CRLF3: variants seen among roughly 807,000 people sequenced by gnomAD.
CRLF3 encodes the protein cytokine receptor-like factor 3.
A neutral mutation model predicts 55.0 loss-of-function variants in CRLF3; 33 were observed. The observed-to-expected ratio is 0.60, with a 90% CI of 0.46 to 0.80. The LOEUF is 0.80. Among genes scored for constraint, CRLF3 ranks in the 30% least tolerant of loss-of-function variants. The probability of loss-of-function intolerance (pLI) is 0.00; values close to 1 mark genes in which losing one functional copy is unlikely to be tolerated. For synonymous variants in CRLF3, 238 were observed against 196.8 expected, an observed-to-expected ratio of 1.21 and a Z score of -1.75; for missense variants, 494 against 538.4, an observed-to-expected ratio of 0.92 and a Z score of 0.82.
At chr17:30,817,393 G>C (rs1329956781) in intron 1 of CRLF3, among the ~76,000 whole-genome samples, 1 of 151,652 alleles carries the variant, frequency 6.6e-6, no homozygotes, top group Non-Finnish European at 1.5e-5. Context: ...AACCAAGGTG[G>C]TGCCACTGCA....
intron 6 of CRLF3, among the ~76,000 whole-genome samples, chr17:30,788,952 C>T (rs1971719001): frequency 6.6e-6 from 1 of 152,038 alleles, no homozygotes; most frequent in East Asian, 1.9e-4. Flanking sequence ...CTACTAGGCC[C>T]TTAAGTACCC....
chr17:30,784,514 A>G, intron 7 of CRLF3, 71 bp from the exon 8 acceptor site: 1 of 1,288,558 alleles, frequency 7.8e-7, no homozygotes, highest in South Asian at 1.3e-5. Flanking sequence ...TTTCTAGATT[A>G]CTGGTAACAC....
At chr17:30,800,859 C>T (rs372046589) in intron 2 of CRLF3, among the ~76,000 whole-genome samples, 1 of 150,986 alleles carries the variant, frequency 6.6e-6, no homozygotes, top group East Asian at 2.0e-4. Context: ...ACTGCAAGCT[C>T]CGCCTCCTGG....
Position 30,800,566 on chromosome 17 carries a change from AAC to A in CRLF3, c.338-3170_338-3169del, listed in dbSNP as rs765424486. Among the ~76,000 whole-genome samples the A allele has an allele frequency of 2.6e-3, 393 of 152,242 alleles. 1 individual carries two copies. Among genetic ancestry groups the A allele is most frequent in the Non-Finnish European group, 4.8e-3 (325 of 67,996 alleles). On this transcript the variant is annotated intron_variant, in intron 2 of 7. Transcript: ENST00000324238. ...CATATGTAGGTAATCATCTACAGAT[AAC>A]AGTCACTGCTCAGTAAAATCATCAA...
chr17:30,791,071 A>G (rs996583769), intron 6 of CRLF3, among the ~76,000 whole-genome samples: 4 of 151,662 alleles, frequency 2.6e-5, no homozygotes, highest in African/African-American at 4.8e-5. Context: ...GGTGTGTGCC[A>G]CCACACCCTG....
intron 1 of CRLF3, among the ~76,000 whole-genome samples, chr17:30,812,972 T>C (rs1429306850): frequency 6.6e-6 from 1 of 152,114 alleles, no homozygotes; most frequent in Non-Finnish European, 1.5e-5. Flanking sequence ...TATAAATGAA[T>C]GTTCTCTGTC....
In CRLF3 at chr17:30,807,665, T is replaced by C. The variant is rs562594333; in HGVS notation, c.130-3557A>G. ...CTCCTGCCTTAGTCTCCTGAGTAGC[T>C]GAGATTACAGGCGCATGCCACCACG... On this transcript the variant is annotated intron_variant, in intron 1 of 7. Coordinates refer to ENST00000324238, the MANE Select transcript of CRLF3 (RefSeq NM_015986.4). Among the ~76,000 whole-genome samples the C allele has an allele frequency of 4.0e-3, 613 of 151,898 alleles. 4 individuals carry two copies. Among genetic ancestry groups the C allele is most frequent in the South Asian group, 0.026 (124 of 4,808 alleles).
At chr17:30,811,803 C>CAAAAAAAAAA (rs915710879) in intron 1 of CRLF3, among the ~76,000 whole-genome samples, 1 of 27,752 alleles carries the variant, frequency 3.6e-5, no homozygotes, top group Non-Finnish European at 6.2e-5. Context: ...GACTCTGTCT[C>CAAAAAAAAAA]AAAAAAAAAA....
intron 1 of CRLF3, among the ~76,000 whole-genome samples, chr17:30,816,555 T>C (rs1247883414): frequency 1.3e-5 from 2 of 149,750 alleles, no homozygotes; most frequent in East Asian, 3.9e-4. Context: ...AGTGGTGTGA[T>C]CATGGCTTAC....
At chr17:30,821,990 G>A (rs749587838) in intron 1 of CRLF3, among the ~76,000 whole-genome samples, 7 of 150,784 alleles carry the variant, frequency 4.6e-5, no homozygotes, top group Admixed American at 2.0e-4. Flanking sequence ...AGGCAGAGGT[G>A]GGAGGATCTT....
At chr17:30,795,135 G>T (rs1971891261) in intron 4 of CRLF3, among the ~76,000 whole-genome samples, 1 of 152,088 alleles carries the variant, frequency 6.6e-6, no homozygotes, top group African/African-American at 2.4e-5. Flanking sequence ...TGACAGTCCT[G>T]TTAGAAAATA....
intron 7 of CRLF3, 138 bp downstream of exon 7, chr17:30,785,781 T>TAAAAAA (rs55664579): frequency 7.6e-6 from 3 of 394,798 alleles, no homozygotes; most frequent in African/African-American, 2.9e-5. Context: ...GACTTCATAA[T>TAAAAAA]AAAAAAAAAA....
chr17:30,820,981 G>A (rs1904978166), intron 1 of CRLF3, among the ~76,000 whole-genome samples: 1 of 151,834 alleles, frequency 6.6e-6, no homozygotes, highest in Non-Finnish European at 1.5e-5. Context: ...CTTGAGCCTA[G>A]GAAGTCGAGG....
At chr17:30,805,986 G>A (rs967944535) in intron 1 of CRLF3, among the ~76,000 whole-genome samples, 2 of 152,104 alleles carry the variant, frequency 1.3e-5, no homozygotes, top group African/African-American at 4.8e-5. Context: ...CTGCACCACT[G>A]CACTCTAGCT....
intron 1 of CRLF3, among the ~76,000 whole-genome samples, chr17:30,805,933 G>A (rs540522127): frequency 2.0e-5 from 3 of 152,122 alleles, no homozygotes; most frequent in Non-Finnish European, 4.4e-5. Flanking sequence ...TGAGGTGGGA[G>A]GATCACCTGA....
intron 2 of CRLF3, among the ~76,000 whole-genome samples, chr17:30,803,267 CA>C: frequency 6.6e-6 from 1 of 152,218 alleles, no homozygotes; most frequent in Admixed American, 6.6e-5. Context: ...GATTATTACA[CA>C]CCGCATGCCT....
chr17:30,821,040 GCA>G (rs1308363736), intron 1 of CRLF3, among the ~76,000 whole-genome samples: 5 of 149,312 alleles, frequency 3.3e-5, no homozygotes, highest in African/African-American at 9.9e-5. Context: ...GGGTGACAGA[GCA>G]AGACTCTGGC....
intron 7 of CRLF3, 136 bp downstream of exon 7, chr17:30,785,783 A>T (rs78071725): frequency 3.4e-5 from 10 of 290,628 alleles, no homozygotes; most frequent in African/African-American, 6.6e-5. Flanking sequence ...CTTCATAATA[A>T]AAAAAAAAAA....
chr17:30,809,267 T>C (rs984882522), intron 1 of CRLF3, among the ~76,000 whole-genome samples: 18 of 152,180 alleles, frequency 1.2e-4, no homozygotes, highest in Non-Finnish European at 2.9e-5. Context: ...CATTGTAAAT[T>C]TGGTCCCTTT....
Sources: allele counts gnomAD v4.1 joint callset (sites outside exome capture counted in the v4.1 genomes callset), GRCh38; gene constraint gnomAD v4.1.1; transcripts MANE v1.5; gene names NCBI Gene and HGNC (gene_info 2026-07-23, HGNC 2026-07-21).